The following MAN1A1 variants were observed in gnomAD, a reference collection of about 807,000 sequenced individuals.
The protein encoded by MAN1A1 is mannosyl-oligosaccharide 1,2-alpha-mannosidase IA.
In MAN1A1, 29 loss-of-function variants were observed where a neutral mutation model predicts 70.8. That is an observed-to-expected ratio of 0.41 (90% confidence interval 0.31 to 0.56). The LOEUF is 0.56. Ranked by LOEUF, MAN1A1 falls within the 20% of genes least tolerant of loss-of-function variation. MAN1A1 has a pLI of 0.29. For missense variants in MAN1A1, 747 were observed against 841.3 expected, an observed-to-expected ratio of 0.89 and a Z score of 1.39; for synonymous variants, 349 against 330.1, an observed-to-expected ratio of 1.06 and a Z score of -0.62.
intron 11 of MAN1A1, 108 bp downstream of exon 11, chr6:119,188,297 C>T (rs1055622707): frequency 4.8e-5 from 50 of 1,048,752 alleles, no homozygotes; most frequent in Non-Finnish European, 6.1e-5. Flanking sequence ...AAATCCTGGT[C>T]GAAGCATTAA....
intron 5 of MAN1A1, among the ~76,000 whole-genome samples, chr6:119,282,050 G>A (rs1776238833): frequency 6.6e-6 from 1 of 152,140 alleles, no homozygotes; most frequent in Admixed American, 6.5e-5. Context: ...CTGGGCGGCA[G>A]AGCAAGACTC....
At position 119,348,526 on chromosome 6, in the gene MAN1A1, G is replaced by A; in HGVS notation, c.540C>T (p.Ile180=). 1 of 1,612,582 alleles carries A rather than the reference G, an allele frequency of 6.2e-7. No homozygotes were observed. The highest frequency in any genetic ancestry group is 8.5e-7 in the Non-Finnish European group (1 of 1,179,376). Residue 180 remains isoleucine (I), a synonymous_variant, in exon 2 of 13, where the codon ATC becomes ATT. Transcript: ENST00000368468. ...CGGCGGGCTCCCGGCTCTCCACCCC[G>A]ATTGGGGGCACGAAGTCCACCGGGG... The part of the protein sequence containing the change: ...GLPPVDFVPP[I]GVESREPADA...
upstream of MAN1A1, chr6:119,349,802 GCGACGCGGCCGGAGAGTGA>G (rs1773855071): frequency 2.1e-6 from 2 of 968,886 alleles, no homozygotes; most frequent in Non-Finnish European, 2.5e-6. Flanking sequence ...AGCGAGGGAG[GCGACGCGGCCGGAGAGTGA>G]CGGCGCGGCC....
chr6:119,241,920 GTGTTTGTGTA>G (rs1411213788), intron 6 of MAN1A1, among the ~76,000 whole-genome samples: 1 of 120,322 alleles, frequency 8.3e-6, no homozygotes, highest in African/African-American at 3.0e-5. Context: ...GTGTGTGTGT[GTGTTTGTGTA>G]TGTGTGTGTG....
chr6:119,277,936 C>CAA (rs58837799), intron 5 of MAN1A1, among the ~76,000 whole-genome samples: 377 of 23,106 alleles, frequency 0.016, 43 homozygotes, highest in Non-Finnish European at 0.018. Context: ...GACTCCATCT[C>CAA]AAAAAAAAAA....
chr6:119,188,616 T>C, intron 10 of MAN1A1, 39 bp from the exon 11 acceptor site: 1 of 1,570,678 alleles, frequency 6.4e-7, no homozygotes, highest in Non-Finnish European at 8.7e-7. Context: ...GTTATTTTCC[T>C]GGACAGTGCT....
chr6:119,246,409 A>G (rs889209887), intron 6 of MAN1A1, among the ~76,000 whole-genome samples: 2 of 152,146 alleles, frequency 1.3e-5, no homozygotes, highest in Non-Finnish European at 2.9e-5. Flanking sequence ...GCACTTTATG[A>G]GAGGCATATG....
chr6:119,233,862 C>T (rs949223173), intron 6 of MAN1A1, among the ~76,000 whole-genome samples: 1 of 152,130 alleles, frequency 6.6e-6, no homozygotes, highest in African/African-American at 2.4e-5. Context: ...AGAGTGCCAC[C>T]AATGCAATTA....
intron 5 of MAN1A1, among the ~76,000 whole-genome samples, chr6:119,275,189 C>T (rs920712450): frequency 1.4e-5 from 2 of 147,100 alleles, no homozygotes; most frequent in African/African-American, 4.9e-5. Flanking sequence ...TGGCTCACTG[C>T]AACCTCTGCC....
chr6:119,185,611 C>G (rs1773265962), intron 11 of MAN1A1, among the ~76,000 whole-genome samples: 1 of 152,070 alleles, frequency 6.6e-6, no homozygotes, highest in Non-Finnish European at 1.5e-5. Flanking sequence ...GAGTCTTGCT[C>G]TGTCCCTCAG....
chr6:119,322,839 A>G (rs1043521200), intron 2 of MAN1A1, among the ~76,000 whole-genome samples: 44 of 152,202 alleles, frequency 2.9e-4, no homozygotes, highest in Non-Finnish European at 7.3e-5. Context: ...TTCAAAGTAG[A>G]AGGAAGGCCT....
intron 5 of MAN1A1, among the ~76,000 whole-genome samples, chr6:119,261,980 G>T (rs139384102): frequency 6.6e-6 from 1 of 152,152 alleles, no homozygotes; most frequent in Non-Finnish European, 1.5e-5. Context: ...GCGGGCAAGG[G>T]TTAAAAGGGA....
chr6:119,324,818 G>A (rs1046656112), intron 2 of MAN1A1, among the ~76,000 whole-genome samples: 1 of 152,150 alleles, frequency 6.6e-6, no homozygotes, highest in African/African-American at 2.4e-5. Context: ...TTAAACTGGG[G>A]CTTTTAATCT....
chr6:119,298,085 T>C (rs530959018), intron 4 of MAN1A1, among the ~76,000 whole-genome samples: 130 of 152,276 alleles, frequency 8.5e-4, no homozygotes, highest in Admixed American at 1.7e-3. Flanking sequence ...ACTTAGTAAA[T>C]AACACATGAG....
chr6:119,242,130 G>GACACACACACACAC (rs1465970489), intron 6 of MAN1A1, among the ~76,000 whole-genome samples: 13 of 35,764 alleles, frequency 3.6e-4, no homozygotes, highest in East Asian at 9.0e-4. Context: ...CAGACAGACA[G>GACACACACACACAC]ACAGACACAC....
intron 5 of MAN1A1, among the ~76,000 whole-genome samples, chr6:119,286,954 C>T (rs1215406513): frequency 6.6e-6 from 1 of 152,122 alleles, no homozygotes; most frequent in African/African-American, 2.4e-5. Flanking sequence ...TCTCCCTACT[C>T]TTCTCACAGG....
intron 6 of MAN1A1, among the ~76,000 whole-genome samples, chr6:119,238,881 G>T (rs1774926074): frequency 6.6e-6 from 1 of 152,028 alleles, no homozygotes; most frequent in African/African-American, 2.4e-5. Flanking sequence ...CTGAAACTGG[G>T]TCTATTATTA....
rs748352677 is a variant in MAN1A1, at chr6:119,348,892, C to G, written c.174G>C (p.Ala58=). The G allele has an allele frequency of 7.8e-6, 12 of 1,535,016 alleles. No individual in the cohort carries two copies. In the Middle Eastern group the frequency reaches 5.1e-4, roughly 66 times the overall value. Residue 58 remains alanine, a synonymous_variant, in exon 2 of 13, where the codon GCG becomes GCC. Transcript: ENST00000368468. ...TGGAGGAGTCTGGCAGGAAGAAGAT[C>G]GCCCCGAAGCAGAGCGTGATGAAGG... is the stretch of plus-strand genomic sequence containing the variant. ...FSAFITLCFG[A]IFFLPDSSKL...
intron 2 of MAN1A1, among the ~76,000 whole-genome samples, chr6:119,319,146 T>G (rs1772932797): frequency 6.6e-6 from 1 of 152,100 alleles, no homozygotes; most frequent in Non-Finnish European, 1.5e-5. Flanking sequence ...TTAGACTATA[T>G]GTGATACAGT....
Sources: gnomAD v4.1 joint callset for allele counts (sites outside exome capture counted in the v4.1 genomes callset) on GRCh38, gnomAD v4.1.1 for gene constraint, MANE v1.5 for transcripts, NCBI Gene and HGNC (gene_info 2026-07-23, HGNC 2026-07-21) for gene names.